ZNF573: variants seen among roughly 807,000 people sequenced by gnomAD.
ZNF573 encodes zinc finger protein 573.
A neutral mutation model predicts 57.4 loss-of-function variants in ZNF573; 41 were observed. That is an observed-to-expected ratio of 0.71 (90% CI 0.56 to 0.93). ZNF573 has a LOEUF of 0.93. Ranked by LOEUF, ZNF573 falls within the 40% of genes least tolerant of loss-of-function variation. The pLI, the probability that ZNF573 is intolerant of heterozygous loss-of-function variation, is 0.00. For missense variants in ZNF573, 730 were observed against 794.8 expected (o/e 0.92, Z 0.98); for synonymous variants, 249 against 261.0 (o/e 0.95, Z 0.44).
chr19:37,773,688 C>A lies in ZNF573; in HGVS notation c.42G>T (p.Arg14Ser). ...AGGTCATGGTTTTAGAATTGTAAGA[C>A]CTGATCAGTCCTACTTGGTGGGGTT... ...VLEPHQVGLIRSYNSKTMTCF... is the reference protein window; with the variant it reads ...VLEPHQVGLISSYNSKTMTCF... Residue 14 changes from arginine (R) to serine (S), a missense_variant, in exon 2 of 5, where the codon AGG becomes AGT. Transcript: ENST00000536220. 1 of 1,535,698 alleles carries A rather than the reference C, an allele frequency of 6.5e-7. No individual in the cohort carries two copies.
intron 2 of ZNF573, 67 bp downstream of exon 2, chr19:37,773,594 G>T: frequency 7.7e-7 from 1 of 1,302,608 alleles, no homozygotes; most frequent in Non-Finnish European, 1.1e-6. Context: ...GGAAGCCTTA[G>T]GTTAATGAAA....
chr19:37,751,116 A>G (rs1216829538), intron 4 of ZNF573, among the ~76,000 whole-genome samples: 1 of 141,826 alleles, frequency 7.1e-6, no homozygotes, highest in African/African-American at 2.6e-5. Context: ...TATACTGTGT[A>G]TATATACAGT....
At position 37,751,060 on chromosome 19, in the gene ZNF573, A is replaced by T. The variant is rs2045430220; in HGVS notation, c.296-10866T>A. Among the ~76,000 whole-genome samples, 2 of 150,684 alleles carry T rather than the reference A, an allele frequency of 1.3e-5. 1 individual carries two copies. The highest frequency in any genetic ancestry group is 4.2e-4 in the South Asian group (2 of 4,794). ...CAGTATATATACTGTCTATAGTAGTATAGTATGGTATATATACTGTGTATA... is the reference window on the plus strand; with the variant it reads ...CAGTATATATACTGTCTATAGTAGTTTAGTATGGTATATATACTGTGTATA... On this transcript the variant is annotated intron_variant, in intron 4 of 4. Transcript: ENST00000536220.
At chr19:37,747,099 A>C (rs531596763) in intron 4 of ZNF573, among the ~76,000 whole-genome samples, 1 of 151,876 alleles carries the variant, frequency 6.6e-6, no homozygotes, top group South Asian at 2.1e-4. Flanking sequence ...TATGGGTGGC[A>C]AAAGAAGTAA....
intron 4 of ZNF573, among the ~76,000 whole-genome samples, chr19:37,762,149 T>C (rs1197616460): frequency 6.6e-6 from 1 of 152,212 alleles, no homozygotes; most frequent in Non-Finnish European, 1.5e-5. Flanking sequence ...TGGGCTTGAA[T>C]TTAATCATAA....
At chr19:37,743,371 CAT>C (rs2045346795) in intron 4 of ZNF573, among the ~76,000 whole-genome samples, 2 of 143,292 alleles carry the variant, frequency 1.4e-5, no homozygotes, top group African/African-American at 5.1e-5. Flanking sequence ...GGCCAACAAA[CAT>C]ATGAAGAAAA....
chr19:37,771,868 T>C (rs2045662558), intron 2 of ZNF573, among the ~76,000 whole-genome samples, 172 bp from the exon 3 acceptor site: 1 of 152,170 alleles, frequency 6.6e-6, no homozygotes, highest in Admixed American at 6.5e-5. Context: ...CACAGGATCC[T>C]ATTCCTAAAG....
chr19:37,739,028 G>A lies in ZNF573; in HGVS notation c.1462C>T (p.His488Tyr), dbSNP rs976666294. ...AYSTGSNLIQ[H>Y]RKTHTGEKPY... ...TTCTCACCAGTATGAGTTTTCCGAT[G>A]TTGAATAAGGTTTGAGCCAGTACTA... Residue 488 changes from histidine to tyrosine, a missense_variant, in exon 5 of 5, where the codon CAT (histidine) becomes TAT (tyrosine). Physicochemically the swap from His to Tyr is moderately conservative, Grantham distance 83 (BLOSUM62 2). Transcript: ENST00000536220. 1.5e-5 allele frequency: 25 copies of A among 1,613,166 alleles called. No individual in the cohort carries two copies. The highest frequency in any genetic ancestry group is 1.6e-4 in the Middle Eastern group (1 of 6,078).
At chr19:37,748,795 C>T (rs1008194850) in intron 4 of ZNF573, among the ~76,000 whole-genome samples, 9 of 151,908 alleles carry the variant, frequency 5.9e-5, no homozygotes, top group African/African-American at 2.2e-4. Flanking sequence ...GGCGTGGTGG[C>T]GGGCGCCTGT....
At position 37,739,813 on chromosome 19, in the gene ZNF573, G is replaced by A. The variant is rs2045307073; in HGVS notation, c.677C>T (p.Ala226Val). The A allele has an allele frequency of 1.2e-6, 2 of 1,613,630 alleles. No individual in the cohort carries two copies. Among genetic ancestry groups the A allele is most frequent in the African/African-American group, 2.7e-5 (2 of 74,828 alleles). The part of the protein sequence containing the change: ...KTYECRQCGK[A>V]FIYASHIVQH... ...AACAATGTGTGAGGCATATATAAAG[G>A]CCTTCCCACACTGCCTACATTCATA... is the stretch of plus-strand genomic sequence containing the variant. Residue 226 changes from alanine to valine, a missense_variant, in exon 5 of 5, where the codon GCC becomes GTC. Physicochemically the swap from Ala to Val is moderately conservative, Grantham distance 64. Coordinates refer to ENST00000536220, the MANE Select transcript of ZNF573 (RefSeq NM_001172690.2).
intron 4 of ZNF573, among the ~76,000 whole-genome samples, chr19:37,746,541 G>C (rs527500520): frequency 6.6e-6 from 1 of 152,226 alleles, no homozygotes; most frequent in Non-Finnish European, 1.5e-5. Flanking sequence ...ATTAATATAT[G>C]TAAGCATACA....
chr19:37,748,926 C>CAAAAAA (rs35400830), intron 4 of ZNF573, among the ~76,000 whole-genome samples: 1 of 70,678 alleles, frequency 1.4e-5, no homozygotes, highest in Non-Finnish European at 2.6e-5. Flanking sequence ...GACTTGGTCT[C>CAAAAAA]AAAAAAAAAA....
intron 4 of ZNF573, among the ~76,000 whole-genome samples, chr19:37,757,475 G>A (rs2045500298): frequency 6.6e-6 from 1 of 152,098 alleles, no homozygotes; most frequent in Admixed American, 6.5e-5. Flanking sequence ...GGGATTACAG[G>A]CGTGAGCTAC....
At chr19:37,752,146 A>G (rs1480379825) in intron 4 of ZNF573, among the ~76,000 whole-genome samples, 1 of 152,130 alleles carries the variant, frequency 6.6e-6, no homozygotes, top group Non-Finnish European at 1.5e-5. Context: ...GGGTGCCAAC[A>G]AAATTCAAAG....
At position 37,740,088 on chromosome 19, in the gene ZNF573, A is replaced by G. The variant is rs1332028957; in HGVS notation, c.402T>C (p.Tyr134=). ...ATTTCTTCTGACATTTCTTACATTCATAGAGTTTCTCTCTCTTATATATGC... is the reference window on the plus strand; with the variant it reads ...ATTTCTTCTGACATTTCTTACATTCGTAGAGTTTCTCTCTCTTATATATGC... ...LQSIYKREKL[Y]ECKKCQKKFS... Residue 134 remains tyrosine, a synonymous_variant, in exon 5 of 5, where the codon TAT becomes TAC. Transcript: ENST00000536220. 3 of 1,614,080 alleles carry G rather than the reference A, an allele frequency of 1.9e-6. No homozygotes were observed. The highest frequency in any genetic ancestry group is 2.2e-5 in the East Asian group (1 of 44,874).
chr19:37,741,141 A>G (rs1453282111), intron 4 of ZNF573, among the ~76,000 whole-genome samples: 1 of 152,236 alleles, frequency 6.6e-6, no homozygotes, highest in African/African-American at 2.4e-5. Flanking sequence ...GACATTTTGT[A>G]GGCTGAATCC....
chr19:37,742,701 T>C (rs1371840933), intron 4 of ZNF573, among the ~76,000 whole-genome samples: 1 of 152,096 alleles, frequency 6.6e-6, no homozygotes, highest in Non-Finnish European at 1.5e-5. Context: ...GACTTAACTG[T>C]AAAACCCAAA....
At chr19:37,775,873 A>AAAAAC (rs139098604) in intron 1 of ZNF573, among the ~76,000 whole-genome samples, 271 of 149,448 alleles carry the variant, frequency 1.8e-3, no homozygotes, top group Non-Finnish European at 3.0e-3. Context: ...AAAAGAAAAC[A>AAAAAC]AAAACAAAAC....
At chr19:37,754,038 G>A (rs369229573) in intron 4 of ZNF573, among the ~76,000 whole-genome samples, 7 of 152,082 alleles carry the variant, frequency 4.6e-5, no homozygotes, top group Non-Finnish European at 8.8e-5. Flanking sequence ...AACATACAGC[G>A]ACTACAATGT....
Sources: allele counts gnomAD v4.1 joint callset (sites outside exome capture counted in the v4.1 genomes callset), GRCh38; gene constraint gnomAD v4.1.1; transcripts MANE v1.5; gene names NCBI Gene and HGNC (gene_info 2026-07-23, HGNC 2026-07-21).